The following PPP2R3B variants were observed in gnomAD, a reference collection of about 807,000 sequenced individuals.
PPP2R3B encodes the protein serine/threonine-protein phosphatase 2A regulatory subunit B'' subunit beta.
In PPP2R3B, 68 loss-of-function variants were observed where a neutral mutation model predicts 72.9. The ratio of observed to expected loss-of-function variants is 0.93; its 90% CI spans 0.77 to 1.14. The LOEUF is 1.14. Ranked by LOEUF, PPP2R3B falls within the 50% of genes most tolerant of loss-of-function variation. The pLI, the probability that PPP2R3B is intolerant of heterozygous loss-of-function variation, is 0.00. For synonymous variants in PPP2R3B, 466 were observed against 375.8 expected (o/e 1.24, Z -2.78); for missense variants, 1,018 against 842.0 (o/e 1.21, Z -2.59).
intron 2 of PPP2R3B, among the ~76,000 whole-genome samples, chrX:355,084 C>T (rs1261965879): frequency 1.3e-5 from 2 of 152,092 alleles, no homozygotes; most frequent in African/African-American, 4.8e-5. Context: ...CTGTGCTCAC[C>T]TGAAGATGAC....
chrX:378,394 G>A (rs1453263739), intron 1 of PPP2R3B, among the ~76,000 whole-genome samples: 1 of 152,200 alleles, frequency 6.6e-6, no homozygotes, highest in African/African-American at 2.4e-5. Flanking sequence ...TGTCTTCCAT[G>A]AGCAAACATA....
chrX:381,901 G>A (rs778560375), intron 1 of PPP2R3B, among the ~76,000 whole-genome samples: 1 of 152,152 alleles, frequency 6.6e-6, no homozygotes, highest in Non-Finnish European at 1.5e-5. Context: ...CCCAGCCCAA[G>A]CTCATCTTTT....
At chrX:341,167 AGCCCCCACCGGGCGTGCACAT>A in intron 9 of PPP2R3B, 119 bp downstream of exon 9, 3 of 784,808 alleles carry the variant, frequency 3.8e-6, no homozygotes, top group Middle Eastern at 3.9e-4. Context: ...TGTGCCGTGC[AGCCCCCACCGGGCGTGCACAT>A]GTCCCCCTGT....
In PPP2R3B at chrX:353,127, A is replaced by C. The variant is rs1217113909; in HGVS notation, c.511-5434T>G. 2.0e-5 allele frequency among the ~76,000 whole-genome samples: 3 copies of C among 152,014 alleles called. No individual in the cohort carries two copies. In the East Asian group the frequency reaches 5.8e-4, roughly 29 times the overall value. On this transcript the variant is annotated intron_variant, in intron 2 of 12. Transcript: ENST00000390665. ...GGTGGCTCAGGCCTGTCATCCCAGCACTTTGAGACGCCAAGGCGGGTGGAT... is the reference window on the plus strand; with the variant it reads ...GGTGGCTCAGGCCTGTCATCCCAGCCCTTTGAGACGCCAAGGCGGGTGGAT...
rs1431519842 is a variant in PPP2R3B, at chrX:347,312, GT to G, written c.638del (p.Asp213AlafsTer10). 2.5e-6 allele frequency: 4 copies of G among 1,613,666 alleles called. No individual in the cohort carries two copies. The highest frequency in any genetic ancestry group is 3.4e-6 in the Non-Finnish European group (4 of 1,179,778). ...TGAGCAGATGGACGAACTTGGCCGC[GT>G]CGTCGTGGCAGTTCTGGAGGATTCT... ...WRKILQNCHD[D>X]AAKFVHLLMS... On this transcript the variant is annotated frameshift_variant, in exon 4 of 13. Transcript: ENST00000390665. LOFTEE classifies it high-confidence loss of function.
At chrX:358,140 C>T (rs1425709144) in intron 2 of PPP2R3B, among the ~76,000 whole-genome samples, 3 of 152,234 alleles carry the variant, frequency 2.0e-5, no homozygotes, top group South Asian at 2.1e-4. Context: ...CCTACTCGTT[C>T]GTCCCCTGGG....
At position 346,368 on chromosome X, in the gene PPP2R3B, G is replaced by C; in HGVS notation, c.793-108C>G. On this transcript the variant is annotated intron_variant, in intron 5 of 12. Coordinates refer to ENST00000390665, the MANE Select transcript of PPP2R3B (RefSeq NM_013239.5). ...GGCGCGCCCTTGGTCTCAGCCGCAC[G>C]GGGCCGCCAGGGCACAGGCGGGGGC... The C allele has an allele frequency of 3.7e-6, 4 of 1,081,242 alleles. No individual in the cohort carries two copies. In the South Asian group the frequency reaches 4.3e-5, roughly 12 times the overall value. The allele number at this position is 1,081,242 out of a possible 1,614,324, so 67.0% of individuals were successfully genotyped here. A position where few individuals can be genotyped will look rare whatever the true frequency, so the allele number is the denominator to read the frequency against.
chrX:364,077 T>A (rs778175394), intron 1 of PPP2R3B, among the ~76,000 whole-genome samples: 2 of 152,296 alleles, frequency 1.3e-5, no homozygotes, highest in East Asian at 3.9e-4. Context: ...GGCTCTGCCT[T>A]CAGAAGCGTG....
chrX:341,741 A>G (rs888530795), intron 8 of PPP2R3B, 142 bp downstream of exon 8: 3 of 905,698 alleles, frequency 3.3e-6, no homozygotes, highest in Admixed American at 3.6e-5. Flanking sequence ...CGTGACAGAG[A>G]CACGTGCCCC....
At chrX:344,880 A>G (rs770700184) in intron 7 of PPP2R3B, 8 of 337,694 alleles carry the variant, frequency 2.4e-5, no homozygotes, top group Non-Finnish European at 4.7e-5. Context: ...CACACACAAC[A>G]GATGCCACCG....
intron 2 of PPP2R3B, among the ~76,000 whole-genome samples, chrX:351,024 G>C (rs953801394): frequency 1.3e-5 from 2 of 152,192 alleles, no homozygotes; most frequent in Non-Finnish European, 2.9e-5. Flanking sequence ...GGGGGCGTGG[G>C]GGACTGCAGA....
intron 12 of PPP2R3B, 66 bp downstream of exon 12, chrX:338,538 C>A (rs937836525): frequency 1.6e-6 from 2 of 1,260,340 alleles, no homozygotes; most frequent in Admixed American, 2.1e-5. Context: ...TCCCACTCAC[C>A]CGTCCTCCCC....
Position 361,537 on chromosome X carries a change from C to T in PPP2R3B, c.378G>A (p.Pro126=), listed in dbSNP as rs201858525. Residue 126 remains proline, a synonymous_variant, in exon 2 of 13, where the codon CCG becomes CCA. Coordinates refer to ENST00000390665, the MANE Select transcript of PPP2R3B (RefSeq NM_013239.5). ...GGCGTCCTCTGGGGAAGTAGAAGGT[C>T]GGAATGCTTTGGCTCGTGGCCGGGG... ...PLPPATSQSI[P]TFYFPRGRPQ... 289 of 1,614,010 alleles carry T rather than the reference C, an allele frequency of 1.8e-4. No homozygotes were observed. The highest frequency in any genetic ancestry group is 4.5e-4 in the African/African-American group (34 of 75,060).
intron 2 of PPP2R3B, among the ~76,000 whole-genome samples, chrX:352,074 G>A (rs909594797): frequency 3.3e-5 from 5 of 152,074 alleles, no homozygotes; most frequent in African/African-American, 9.7e-5. Flanking sequence ...CACCAAACCC[G>A]AAAATTACCT....
chrX:334,850 TC>T (rs1191703275), intron 12 of PPP2R3B: 5 of 293,618 alleles, frequency 1.7e-5, no homozygotes, highest in African/African-American at 1.1e-4. Flanking sequence ...GGTCGTGGTG[TC>T]CACACAGGAC....
intron 2 of PPP2R3B, among the ~76,000 whole-genome samples, chrX:356,281 T>C (rs1189544551): frequency 6.6e-6 from 1 of 152,184 alleles, no homozygotes; most frequent in Non-Finnish European, 1.5e-5. Flanking sequence ...AGTGGTGCGA[T>C]CTTGGCTCAC....
intron 1 of PPP2R3B, among the ~76,000 whole-genome samples, chrX:364,858 G>A (rs2071669746): frequency 6.8e-5 from 2 of 29,612 alleles, no homozygotes; most frequent in African/African-American, 2.8e-4. Context: ...ACTCCAGCCT[G>A]GGCGACAGAG....
chrX:354,973 G>T (rs1176038898), intron 2 of PPP2R3B, among the ~76,000 whole-genome samples: 2 of 152,230 alleles, frequency 1.3e-5, no homozygotes, highest in African/African-American at 4.8e-5. Context: ...GCGGGAAGGG[G>T]CGTGCTCTCC....
chrX:347,280 G>A lies in PPP2R3B; in HGVS notation c.671C>T (p.Pro224Leu), dbSNP rs754413787. The change falls in exon 4 of 13, where the codon CCC (proline) becomes CTC (leucine). Residue 224 changes from proline to leucine, a missense_variant. Physicochemically the swap from Pro to Leu is moderately conservative, Grantham distance 98. Coordinates refer to ENST00000390665, the MANE Select transcript of PPP2R3B (RefSeq NM_013239.5). ...AAKFVHLLMS[P>L]GCNYLVQEDF... ...CTCCTGCACCAGGTAGTTGCAGCCG[G>A]GGCTCATGAGCAGATGGACGAACTT... is the stretch of plus-strand genomic sequence containing the variant. 6.2e-7 allele frequency: 1 copy of A among 1,613,812 alleles called. No homozygotes were observed. Among genetic ancestry groups the A allele is most frequent in the South Asian group, 1.1e-5 (1 of 91,080 alleles).
Sources: allele counts gnomAD v4.1 joint callset (sites outside exome capture counted in the v4.1 genomes callset), GRCh38; gene constraint gnomAD v4.1.1; transcripts MANE v1.5; gene names NCBI Gene and HGNC (gene_info 2026-07-23, HGNC 2026-07-21).